The following RAD51B variants were observed in gnomAD, a reference collection of about 807,000 sequenced individuals.
RAD51B encodes the protein DNA repair protein RAD51 homolog 2.
RAD51B carries 38 observed loss-of-function variants against 42.2 expected under a neutral mutation model. That is an observed-to-expected ratio of 0.90 (90% confidence interval 0.70 to 1.18). The LOEUF (loss-of-function observed/expected upper bound fraction) is 1.18. Ranked by LOEUF, RAD51B falls within the 50% of genes most tolerant of loss-of-function variation. The pLI is 0.00. For missense variants in RAD51B, 373 were observed against 400.7 expected (o/e 0.93, Z 0.59); for synonymous variants, 154 against 145.2 (o/e 1.06, Z -0.43).
At chr14:68,477,371 T>C (rs1159662530) in intron 10 of RAD51B, among the ~76,000 whole-genome samples, 1 of 152,000 alleles carries the variant, frequency 6.6e-6, no homozygotes, top group African/African-American at 2.4e-5. Flanking sequence ...TGAAGAGGGG[T>C]GCTTGCTTCT....
At chr14:68,476,747 A>G (rs886919306) in intron 10 of RAD51B, among the ~76,000 whole-genome samples, 1 of 152,206 alleles carries the variant, frequency 6.6e-6, no homozygotes, top group Non-Finnish European at 1.5e-5. Flanking sequence ...ACTGACAAAC[A>G]GTGCACTGAA....
intron 7 of RAD51B, among the ~76,000 whole-genome samples, chr14:68,081,950 TC>T (rs769280136): frequency 6.6e-6 from 1 of 152,166 alleles, no homozygotes; most frequent in Non-Finnish European, 1.5e-5. Flanking sequence ...AAATAATATT[TC>T]TTTTTTCTTT....
chr14:68,070,683 T>C (rs907961417), intron 7 of RAD51B, among the ~76,000 whole-genome samples: 5 of 152,208 alleles, frequency 3.3e-5, no homozygotes, highest in African/African-American at 9.6e-5. Context: ...TACTGTAGCC[T>C]TGTAGTATAG....
intron 4 of RAD51B, among the ~76,000 whole-genome samples, chr14:67,835,546 C>T (rs561504774): frequency 9.9e-5 from 15 of 151,284 alleles, no homozygotes; most frequent in African/African-American, 1.7e-4. Flanking sequence ...TATGTACACA[C>T]GTCACATATA....
At chr14:68,273,653 C>A (rs186883689) in intron 7 of RAD51B, among the ~76,000 whole-genome samples, 8 of 152,242 alleles carry the variant, frequency 5.3e-5, no homozygotes, top group Non-Finnish European at 8.8e-5. Context: ...TTCCTGGCAA[C>A]CCTGATTAGG....
At chr14:68,325,234 T>C (rs2082226793) in intron 8 of RAD51B, among the ~76,000 whole-genome samples, 1 of 152,214 alleles carries the variant, frequency 6.6e-6, no homozygotes, top group African/African-American at 2.4e-5. Context: ...AGATATGTTT[T>C]TGAGGGTTAA....
intron 7 of RAD51B, among the ~76,000 whole-genome samples, chr14:68,190,504 C>T (rs957813182): frequency 1.3e-4 from 20 of 152,112 alleles, no homozygotes; most frequent in Non-Finnish European, 2.9e-5. Flanking sequence ...ATTCAGTAAC[C>T]TAAATGACCC....
chr14:68,030,829 C>T (rs2076029774), intron 7 of RAD51B, among the ~76,000 whole-genome samples: 1 of 152,122 alleles, frequency 6.6e-6, no homozygotes, highest in Admixed American at 6.5e-5. Context: ...AAGAGACATG[C>T]AACTCTTCCT....
intron 5 of RAD51B, among the ~76,000 whole-genome samples, chr14:67,874,120 TAAAGAAAACAA>T (rs2042645843): frequency 6.6e-6 from 1 of 151,852 alleles, no homozygotes; most frequent in Non-Finnish European, 1.5e-5. Context: ...AAAAATGTAT[TAAAGAAAACAA>T]GAAGAAAACC....
At chr14:68,664,630 G>A (rs921336823) in intron 11 of RAD51B, among the ~76,000 whole-genome samples, 4 of 152,196 alleles carry the variant, frequency 2.6e-5, no homozygotes, top group Non-Finnish European at 4.4e-5. Context: ...TCCTCACCCC[G>A]GGATACCTAT....
chr14:68,384,217 T>C (rs2083541929), intron 8 of RAD51B, among the ~76,000 whole-genome samples: 2 of 152,238 alleles, frequency 1.3e-5, no homozygotes, highest in South Asian at 4.1e-4. Flanking sequence ...AGGGAAAAAG[T>C]AAACATTTTA....
chr14:68,321,862 C>T (rs2082163401), intron 8 of RAD51B, among the ~76,000 whole-genome samples: 1 of 152,040 alleles, frequency 6.6e-6, no homozygotes, highest in Non-Finnish European at 1.5e-5. Context: ...ATTATCCTCC[C>T]ACTTCAGCCT....
At chr14:68,680,127 A>T (rs892950199) in intron 11 of RAD51B, among the ~76,000 whole-genome samples, 3 of 152,254 alleles carry the variant, frequency 2.0e-5, no homozygotes, top group Admixed American at 1.3e-4. Context: ...TCACTGCTAC[A>T]GACACGGCAC....
At chr14:68,585,742 G>A (rs977344328) in intron 10 of RAD51B, among the ~76,000 whole-genome samples, 1 of 152,174 alleles carries the variant, frequency 6.6e-6, no homozygotes, top group Non-Finnish European at 1.5e-5. Flanking sequence ...AGCCACGTTG[G>A]AGAGTGTCAC....
At chr14:68,451,429 TG>T (rs1304609128) in intron 9 of RAD51B, among the ~76,000 whole-genome samples, 3 of 152,236 alleles carry the variant, frequency 2.0e-5, no homozygotes, top group African/African-American at 7.2e-5. Flanking sequence ...AAGACGAAGC[TG>T]ACAGGTTCCT....
chr14:68,087,793 ATAAT>A (rs1458856478), intron 7 of RAD51B, among the ~76,000 whole-genome samples: 1 of 144,702 alleles, frequency 6.9e-6, no homozygotes, highest in Non-Finnish European at 1.5e-5. Flanking sequence ...TTGACTTAAA[ATAAT>A]TATTTTATTG....
At chr14:68,339,296 A>C in intron 8 of RAD51B, 1 of 900,000 alleles carries the variant, frequency 1.1e-6, no homozygotes, top group South Asian at 1.4e-5. Flanking sequence ...GGTTAATGGC[A>C]GGAGGCACTT....
intron 8 of RAD51B, among the ~76,000 whole-genome samples, chr14:68,298,248 G>A (rs1311095361): frequency 6.6e-6 from 1 of 152,206 alleles, no homozygotes. Flanking sequence ...CAGAAAAGCT[G>A]TAAATCCCAA....
intron 7 of RAD51B, among the ~76,000 whole-genome samples, chr14:68,156,890 A>G (rs2078523468): frequency 2.6e-5 from 4 of 152,090 alleles, no homozygotes; most frequent in Admixed American, 2.6e-4. Context: ...TTTAAAGAGG[A>G]TATCATCCAT....
Sources: allele counts gnomAD v4.1 joint callset (sites outside exome capture counted in the v4.1 genomes callset), GRCh38; gene constraint gnomAD v4.1.1; transcripts MANE v1.5; gene names NCBI Gene and HGNC (gene_info 2026-07-23, HGNC 2026-07-21).